The following JAG2 variants were observed in gnomAD, a reference collection of about 807,000 sequenced individuals.
JAG2 encodes the protein jagged canonical Notch ligand 2.
In JAG2, 46 loss-of-function variants were observed where a neutral mutation model predicts 141.7. The observed-to-expected ratio is 0.32, with a 90% confidence interval of 0.26 to 0.42. JAG2 has a LOEUF of 0.42. JAG2 is among the 10% of genes least tolerant of loss of function. The pLI is 1.00. For missense variants in JAG2, 1,500 were observed against 1,817.5 expected, an observed-to-expected ratio of 0.83 and a Z score of 3.18; for synonymous variants, 862 against 763.5, an observed-to-expected ratio of 1.13 and a Z score of -2.13.
rs995910210 is a variant in JAG2, at chr14:105,147,839, G to A, written c.2298C>T (p.Cys766=). 7.7e-6 allele frequency: 12 copies of A among 1,551,350 alleles called. No individual in the cohort carries two copies. The East Asian group carries it at 1.7e-4, about 22-fold the overall frequency. ...LPNPCVNGGT[C]VGSGASFSCI... ...AGGAGAAGGAGGCCCCGCTGCCCAC[G>A]CAGGTGCCACCATTCACACAGGGGT... The change falls in exon 18 of 26, where the codon TGC becomes TGT. Residue 766 remains cysteine (C), a synonymous_variant. Coordinates refer to ENST00000331782, the MANE Select transcript of JAG2 (RefSeq NM_002226.5).
chr14:105,168,205 ACCCAGCCGCGCCCGCCCGGAGC>A lies in JAG2; in HGVS notation c.67-120_67-99del, dbSNP rs1888983105. Reference sequence around the variant, plus strand: ...GAACAGGCCCCGCCGCCCCGCCCCCACCCAGCCGCGCCCGCCCGGAGCCCCAGCCGCCGCGCGCAGCCTCGAG... The same window carrying A: ...GAACAGGCCCCGCCGCCCCGCCCCCACCCAGCCGCCGCGCGCAGCCTCGAG... On this transcript the variant is annotated intron_variant, in intron 1 of 25. Transcript: ENST00000331782. 4.1e-6 allele frequency: 3 copies of A among 722,918 alleles called. No homozygotes were observed. In the East Asian group the frequency reaches 1.6e-4, roughly 39 times the overall value. 44.8% of individuals were successfully genotyped at this position (722,918 alleles called of 1,614,324 possible). A position where few individuals can be genotyped will look rare whatever the true frequency, so the allele number is the denominator to read the frequency against.
At position 105,147,382 on chromosome 14, in the gene JAG2, A is replaced by G; in HGVS notation, c.2423T>C (p.Val808Ala). ...TGCACACTCGCAGCGGAACCAGTTG[A>G]CGCCGTCAACACAGATGCCACCATT... ...CYNGGICVDG[V>A]NWFRCECAPG... Residue 808 changes from valine to alanine, a missense_variant, in exon 20 of 26, where the codon GTC becomes GCC. By Grantham distance (64) the Val-to-Ala change is moderately conservative. This residue lies in a region of JAG2 where 875 missense variants were observed against 1,202.2 expected (regional missense o/e 0.73). Transcript: ENST00000331782. The G allele has an allele frequency of 6.2e-7, 1 of 1,600,104 alleles. No individual in the cohort carries two copies. The highest frequency in any genetic ancestry group is 8.5e-7 in the Non-Finnish European group (1 of 1,174,168).
chr14:105,151,344 G>T lies in JAG2; in HGVS notation c.1206C>A (p.Asp402Glu), dbSNP rs371092571. The change falls in exon 9 of 26, where the codon GAC becomes GAA. Residue 402 changes from aspartate to glutamate, a missense_variant. Around this residue, in one of 3 missense-constraint regions of JAG2, gnomAD observed 875 missense variants for 1,202.2 expected, o/e 0.73. Coordinates refer to ENST00000331782, the MANE Select transcript of JAG2 (RefSeq NM_002226.5). ...AGATGCACTCAAAGCCGTCCACCTG[G>T]TCCACACAGGTGCCACCGGCCGCAC... ...NPCAAGGTCV[D>E]QVDGFECICP... 1 of 1,612,538 alleles carries T rather than the reference G, an allele frequency of 6.2e-7. No individual in the cohort carries two copies. The highest frequency in any genetic ancestry group is 1.1e-5 in the South Asian group (1 of 91,086).
intron 2 of JAG2, among the ~76,000 whole-genome samples, chr14:105,164,161 G>A (rs1375789109): frequency 6.8e-6 from 1 of 146,452 alleles, no homozygotes; most frequent in African/African-American, 2.5e-5. Context: ...CCCACCCTCA[G>A]GGACCAGCGA....
At chr14:105,148,700 A>G (rs763222731) in intron 15 of JAG2, 45 bp downstream of exon 15, 2 of 1,478,510 alleles carry the variant, frequency 1.4e-6, no homozygotes, top group South Asian at 1.2e-5. Flanking sequence ...AGGGGCCCAC[A>G]GGGGTGGAGG....
rs368964382 is a variant in JAG2 at position 105,151,430 on chromosome 14, G to A, written c.1154-34C>T. ...GGTGGAGAAAGGTGGGGCCCTGGCA[G>A]TGTGAGCCGTGGGAATAAGGTCCCC... is the stretch of plus-strand genomic sequence containing the variant. On this transcript the variant is annotated intron_variant, in intron 8 of 25. Coordinates refer to ENST00000331782, the MANE Select transcript of JAG2 (RefSeq NM_002226.5). 32 of 1,583,976 alleles carry A rather than the reference G, an allele frequency of 2.0e-5. No individual in the cohort carries two copies. The African/African-American group carries it at 3.4e-4, about 17-fold the overall frequency.
chr14:105,149,001 G>A lies in JAG2; in HGVS notation c.1842C>T (p.Ser614=), dbSNP rs772353310. 6.2e-7 allele frequency: 1 copy of A among 1,606,496 alleles called. No homozygotes were observed. The highest frequency in any genetic ancestry group is 1.1e-5 in the South Asian group (1 of 89,938). The change falls in exon 14 of 26, where the codon AGC becomes AGT. Residue 614 remains serine (S), a synonymous_variant. Transcript: ENST00000331782. ...GVCGPHGRCV[S]QPGGNFSCIC... Reference sequence around the variant, plus strand: ...TGCAGGAAAAGTTGCCCCCTGGCTGGCTGACGCAGCGTCCATGGGGGCCAC... The same window carrying A: ...TGCAGGAAAAGTTGCCCCCTGGCTGACTGACGCAGCGTCCATGGGGGCCAC...
chr14:105,167,404 C>T lies in JAG2; in HGVS notation c.417+353G>A, dbSNP rs1476147314. 6.6e-6 allele frequency among the ~76,000 whole-genome samples: 1 copy of T among 152,024 alleles called. No individual in the cohort carries two copies. The highest frequency in any genetic ancestry group is 1.5e-5 in the Non-Finnish European group (1 of 67,972). ...CCTAGACCAGCCCCAGCACGCGCTG[C>T]GCACATGCCACCGCGGCCTGCCCGG... On this transcript the variant is annotated intron_variant, in intron 2 of 25. Coordinates refer to ENST00000331782, the MANE Select transcript of JAG2 (RefSeq NM_002226.5). This position sits in a 1 kb window ranked among gnomAD's most constrained non-coding sequence, Gnocchi z 4.8.
chr14:105,142,739 C>T lies in JAG2; in HGVS notation c.3673G>A (p.Ala1225Thr), dbSNP rs140910378. 1.7e-5 allele frequency: 27 copies of T among 1,608,968 alleles called. No homozygotes were observed. The highest frequency in any genetic ancestry group is 6.7e-5 in the East Asian group (3 of 44,760). The stretch of plus-strand genomic sequence containing the variant: ...CGGGCCTCATTGATGCTCCTGACCG[C>T]GCGGTTGTCCACTTTGGGGCCTGAG... ...WASGPKVDNR[A>T]VRSINEARYA... is the part of the protein sequence containing the mutation. The change falls in exon 26 of 26, where the codon GCG becomes ACG. Residue 1225 changes from alanine (A) to threonine (T), a missense_variant. Physicochemically the swap from Ala to Thr is moderately conservative, Grantham distance 58. This residue lies in a region of JAG2 where 425 missense variants were observed against 441.0 expected (regional missense o/e 0.96). Transcript: ENST00000331782.
In JAG2 at chr14:105,142,856, C is replaced by T. The variant is rs764471573; in HGVS notation, c.3556G>A (p.Gly1186Ser). The change falls in exon 26 of 26, where the codon GGT (glycine) becomes AGT (serine). Residue 1186 changes from glycine (G) to serine (S), a missense_variant. Transcript: ENST00000331782. ...TCCGCCTCCAGGGAGTCCTCCTCAC[C>T]GCGGCCCAGATCCTCGTCCTCCTCA... The part of the protein sequence containing the change: ...EDEEDEDLGR[G>S]EEDSLEAEKF... 9.3e-6 allele frequency: 15 copies of T among 1,608,326 alleles called. No homozygotes were observed. The African/African-American group carries it at 1.3e-4, about 14-fold the overall frequency.
Position 105,151,925 on chromosome 14 carries a change from G to GC in JAG2, c.1039+12dup. ...TGCCTGGCCAGAATTTGGGTGGCCAGCCCCCCACGTACCCTTCTCACAGTT... is the reference window on the plus strand; with the variant it reads ...TGCCTGGCCAGAATTTGGGTGGCCAGCCCCCCCACGTACCCTTCTCACAGTT... On this transcript the variant is annotated intron_variant, in intron 7 of 25. Coordinates refer to ENST00000331782, the MANE Select transcript of JAG2 (RefSeq NM_002226.5). 1.2e-6 allele frequency: 2 copies of GC among 1,612,624 alleles called. No homozygotes were observed. Among genetic ancestry groups the GC allele is most frequent in the Non-Finnish European group, 8.5e-7 (1 of 1,179,990 alleles).
chr14:105,163,163 C>T (rs930791748), intron 2 of JAG2, among the ~76,000 whole-genome samples: 1 of 152,220 alleles, frequency 6.6e-6, no homozygotes, highest in Admixed American at 6.5e-5. Context: ...TTGGTGCAGG[C>T]GCCAGGAGCT....
rs1421388830 is a variant in JAG2, at chr14:105,149,261, C to T, written c.1662G>A (p.Leu554=). ...PCRNGARCYN[L]EGDYYCACPD... ...GGCAGGCGCAGTAATAGTCACCCTC[C>T]AGGTTATAGCAGCGAGCGCCGTTCC... The change falls in exon 13 of 26, where the codon CTG becomes CTA. Residue 554 remains leucine, a synonymous_variant. Transcript: ENST00000331782. The T allele has an allele frequency of 1.1e-5, 18 of 1,612,604 alleles. No individual in the cohort carries two copies. In the Admixed American group the frequency reaches 3.0e-4, roughly 27 times the overall value.
intron 15 of JAG2, 48 bp downstream of exon 15, chr14:105,148,697 C>T: frequency 6.8e-7 from 1 of 1,472,206 alleles, no homozygotes. Flanking sequence ...ATAAGGGGCC[C>T]ACAGGGGTGG....
rs587669755 is a variant in JAG2 at position 105,142,993 on chromosome 14, C to T, written c.3419G>A (p.Arg1140Gln). ...PLNPIRNPIE[R>Q]PGGHKDVLYQ... ...GAGCACGTCCTTGTGGCCCCCCGGC[C>T]GCTCAATGGGGTTGCGGATGGGGTT... The change falls in exon 26 of 26, where the codon CGG becomes CAG. Residue 1140 changes from arginine to glutamine, a missense_variant. This residue lies in a region of JAG2 where 425 missense variants were observed against 441.0 expected (regional missense o/e 0.96). Transcript: ENST00000331782. The T allele has an allele frequency of 7.5e-6, 12 of 1,609,310 alleles. No individual in the cohort carries two copies. The highest frequency in any genetic ancestry group is 4.5e-5 in the East Asian group (2 of 44,858).
chr14:105,158,889 A>G (rs1888652242), intron 2 of JAG2, among the ~76,000 whole-genome samples: 1 of 151,986 alleles, frequency 6.6e-6, no homozygotes, highest in African/African-American at 2.4e-5. Context: ...AACCAGCCCC[A>G]AGGCCTGGCT....
chr14:105,143,064 G>C lies in JAG2; in HGVS notation c.3348C>G (p.Ser1116Arg), dbSNP rs933320740. The C allele has an allele frequency of 1.9e-6, 3 of 1,601,874 alleles. No homozygotes were observed. In the African/African-American group the frequency reaches 4.0e-5, roughly 21 times the overall value. The change falls in exon 26 of 26, where the codon AGC becomes AGG. Residue 1116 changes from serine (S) to arginine (R), a missense_variant. Ser to Arg is a moderately radical substitution (Grantham distance 110). Transcript: ENST00000331782. ...TGGCGCTCTCCTCCCGCGGCAGCCG[G>C]CTCCTCTCCCGCTCTTTCCTGCGCT... ...TRKRRKERER[S>R]RLPREESANN...
Position 105,167,103 on chromosome 14 carries a change from A to G in JAG2, c.417+654T>C, listed in dbSNP as rs946461190. ...CTGGCCACCTGCCAGGGGAGACCAGACAGCCCCGACTCAGCTTCTGCCCCT... is the reference window on the plus strand; with the variant it reads ...CTGGCCACCTGCCAGGGGAGACCAGGCAGCCCCGACTCAGCTTCTGCCCCT... On this transcript the variant is annotated intron_variant, in intron 2 of 25. Coordinates refer to ENST00000331782, the MANE Select transcript of JAG2 (RefSeq NM_002226.5). This position sits in a 1 kb window ranked among gnomAD's most constrained non-coding sequence, Gnocchi z 4.8. 6.6e-6 allele frequency among the ~76,000 whole-genome samples: 1 copy of G among 152,120 alleles called. No homozygotes were observed. Among genetic ancestry groups the G allele is most frequent in the African/African-American group, 2.4e-5 (1 of 41,418 alleles).
intron 2 of JAG2, among the ~76,000 whole-genome samples, chr14:105,163,382 T>C (rs587686028): frequency 6.6e-6 from 1 of 152,130 alleles, no homozygotes; most frequent in Admixed American, 6.5e-5. Flanking sequence ...AGCCAGGGCC[T>C]TGCCTGGGTG....
Sources: allele counts gnomAD v4.1 joint callset (sites outside exome capture counted in the v4.1 genomes callset), GRCh38; gene constraint gnomAD v4.1.1; regional missense constraint gnomAD v4.1.1; non-coding constraint Gnocchi (gnomAD v3.1); transcripts MANE v1.5; gene names NCBI Gene and HGNC (gene_info 2026-07-23, HGNC 2026-07-21).